Variants in PDS5A observed in about 807,000 individuals in gnomAD.
The protein encoded by PDS5A is sister chromatid cohesion protein PDS5 homolog A.
Under a neutral mutation model 167.1 loss-of-function variants are expected in PDS5A, and 42 were observed. The observed-to-expected ratio is 0.25, with a 90% CI of 0.20 to 0.33. The LOEUF is 0.33. Ranked by LOEUF, PDS5A falls within the 10% of genes least tolerant of loss-of-function variation. The pLI is 1.00. For synonymous variants in PDS5A, 553 were observed against 554.6 expected (o/e 1.00, Z 0.04); for missense variants, 1,033 against 1,605.9 (o/e 0.64, Z 6.10).
chr4:39,865,479 A>C (rs1357869983), intron 23 of PDS5A, among the ~76,000 whole-genome samples: 1 of 152,190 alleles, frequency 6.6e-6, no homozygotes, highest in Non-Finnish European at 1.5e-5. Context: ...GCTTGAGCCC[A>C]GCTAGCCTGG....
chr4:39,904,946 T>C (rs1226166746), intron 11 of PDS5A, among the ~76,000 whole-genome samples: 1 of 152,194 alleles, frequency 6.6e-6, no homozygotes, highest in Non-Finnish European at 1.5e-5. Context: ...ATCTGGAATG[T>C]TTTAATTGCC....
At chr4:39,963,765 C>T (rs569762167) in intron 2 of PDS5A, among the ~76,000 whole-genome samples, 3 of 151,220 alleles carry the variant, frequency 2.0e-5, no homozygotes, top group Non-Finnish European at 4.4e-5. Flanking sequence ...CTATGGAGAT[C>T]CAGGCTGCAG....
intron 6 of PDS5A, among the ~76,000 whole-genome samples, chr4:39,921,243 A>C (rs933877605): frequency 7.2e-5 from 11 of 152,186 alleles, no homozygotes; most frequent in African/African-American, 2.7e-4. Context: ...AGATATAAAC[A>C]AAACGAAAAC....
intron 2 of PDS5A, among the ~76,000 whole-genome samples, chr4:39,958,478 G>C (rs1436023557): frequency 1.4e-5 from 2 of 145,108 alleles, no homozygotes; most frequent in East Asian, 4.5e-4. Flanking sequence ...CTGCACACCA[G>C]CCTGGGCCCA....
intron 2 of PDS5A, among the ~76,000 whole-genome samples, chr4:39,961,360 G>A (rs771767045): frequency 2.0e-4 from 30 of 151,724 alleles, no homozygotes; most frequent in Non-Finnish European, 3.8e-4. Flanking sequence ...GGGTAGTGGC[G>A]CCATCTCGGC....
chr4:39,901,266 C>CTTTTTTTTTTTTTTTTT (rs772230554), intron 13 of PDS5A, among the ~76,000 whole-genome samples: 4 of 121,280 alleles, frequency 3.3e-5, no homozygotes, highest in Non-Finnish European at 5.0e-5. Flanking sequence ...TCTTTTCTTT[C>CTTTTTTTTTTTTTTTTT]TTTTTTTTTT....
At chr4:39,900,334 A>G in intron 14 of PDS5A, 92 bp downstream of exon 14, 1 of 730,016 alleles carries the variant, frequency 1.4e-6, no homozygotes, top group Non-Finnish European at 2.3e-6. Flanking sequence ...AAAACAACTG[A>G]GATACTTTTT....
In PDS5A at chr4:39,940,205, C is replaced by A. The variant is rs184923554; in HGVS notation, c.139-12041G>T. ...CTGCACTCCAGCCTGGATGACAGAGCGAGACCCTGTCTGGAAGAAAAAATA... is the reference window on the plus strand; with the variant it reads ...CTGCACTCCAGCCTGGATGACAGAGAGAGACCCTGTCTGGAAGAAAAAATA... On this transcript the variant is annotated intron_variant, in intron 2 of 32. Transcript: ENST00000303538. Among the ~76,000 whole-genome samples, 119 of 151,566 alleles carry A rather than the reference C, an allele frequency of 7.9e-4. 1 individual carries two copies. Among genetic ancestry groups the A allele is most frequent in the Non-Finnish European group, 1.6e-3 (106 of 67,964 alleles).
intron 2 of PDS5A, among the ~76,000 whole-genome samples, chr4:39,965,871 C>T (rs1004255032): frequency 6.6e-6 from 1 of 152,120 alleles, no homozygotes; most frequent in Admixed American, 6.6e-5. Context: ...GTGATGGTTT[C>T]ACAACAATGT....
At chr4:39,968,311 A>G (rs1239588136) in intron 2 of PDS5A, among the ~76,000 whole-genome samples, 1 of 150,774 alleles carries the variant, frequency 6.6e-6, no homozygotes, top group Non-Finnish European at 1.5e-5. Flanking sequence ...TAGTTTCAGA[A>G]CCCACAACTA....
intron 5 of PDS5A, 100 bp downstream of exon 5, chr4:39,925,736 T>C (rs994018168): frequency 1.0e-5 from 4 of 398,910 alleles, no homozygotes; most frequent in Non-Finnish European, 1.8e-5. Flanking sequence ...AAACAATTCC[T>C]TATAACTCTG....
At chr4:39,829,985 G>C (rs1049102740) in intron 32 of PDS5A, among the ~76,000 whole-genome samples, 1 of 87,618 alleles carries the variant, frequency 1.1e-5, no homozygotes, top group Non-Finnish European at 2.2e-5. Context: ...AAAAAAAAAA[G>C]AAATTTCCAA....
Position 39,908,535 on chromosome 4 carries a change from A to T in PDS5A, c.1093T>A (p.Leu365Ile). 6.4e-7 allele frequency: 1 copy of T among 1,553,936 alleles called. No individual in the cohort carries two copies. Among genetic ancestry groups the T allele is most frequent in the South Asian group, 1.1e-5 (1 of 87,440 alleles). ...TCTGGATCATGTGATCTAACCTTTA[A>T]ATATTCTGTAATAAGAGAAAAAAAA... ...PDLAKDLTEYLKVRSHDPEEA... is the reference protein window; with the variant it reads ...PDLAKDLTEYIKVRSHDPEEA... Residue 365 changes from leucine (L) to isoleucine (I), a missense_variant, in exon 11 of 33, where the codon TTA becomes ATA. Transcript: ENST00000303538.
intron 5 of PDS5A, among the ~76,000 whole-genome samples, chr4:39,923,347 G>GAA (rs201112371): frequency 9.0e-6 from 1 of 110,984 alleles, no homozygotes; most frequent in African/African-American, 3.3e-5. Flanking sequence ...AAAAAAAAAA[G>GAA]AAAAAAAAAA....
At chr4:39,944,489 T>C (rs1727556910) in intron 2 of PDS5A, among the ~76,000 whole-genome samples, 1 of 151,988 alleles carries the variant, frequency 6.6e-6, no homozygotes, top group African/African-American at 2.4e-5. Context: ...GGTCAGGAGT[T>C]TCACACCAGC....
intron 22 of PDS5A, among the ~76,000 whole-genome samples, chr4:39,867,263 G>A (rs1274153368): frequency 6.6e-6 from 1 of 151,446 alleles, no homozygotes; most frequent in Non-Finnish European, 1.5e-5. Flanking sequence ...TTTTCCAACA[G>A]ATAAGGCAAT....
chr4:39,861,939 A>G (rs1323618773), intron 26 of PDS5A, among the ~76,000 whole-genome samples: 2 of 152,178 alleles, frequency 1.3e-5, no homozygotes, highest in African/African-American at 4.8e-5. Context: ...CTCAATATAA[A>G]TAGTAAAAAT....
chr4:39,865,162 G>A (rs1228798228), intron 23 of PDS5A, among the ~76,000 whole-genome samples: 2 of 151,994 alleles, frequency 1.3e-5, no homozygotes, highest in African/African-American at 2.4e-5. Flanking sequence ...AATGAAAAGA[G>A]GTATTGATTA....
At chr4:39,825,598 TTA>T in intron 32 of PDS5A, 110 bp from the exon 33 acceptor site, 1 of 835,722 alleles carries the variant, frequency 1.2e-6, no homozygotes, top group Non-Finnish European at 1.8e-6. Context: ...TTTTTTTTTT[TTA>T]AACTTAAGCA....
Sources: gnomAD v4.1 joint callset for allele counts (sites outside exome capture counted in the v4.1 genomes callset) on GRCh38, gnomAD v4.1.1 for gene constraint, MANE v1.5 for transcripts, NCBI Gene and HGNC (gene_info 2026-07-23, HGNC 2026-07-21) for gene names.